Variants in NSMCE1 observed in about 807,000 individuals in gnomAD.
NSMCE1 encodes NSE1 component of SMC5/6 complex, also known as non-structural maintenance of chromosomes element 1 homolog.
NSMCE1 carries 18 observed loss-of-function variants against 29.6 expected under a neutral mutation model. The ratio of observed to expected loss-of-function variants is 0.61; its 90% CI spans 0.42 to 0.90. The LOEUF (loss-of-function observed/expected upper bound fraction) is 0.90. Among genes scored for constraint, NSMCE1 ranks in the 40% least tolerant of loss-of-function variants. The pLI is 0.00. For synonymous variants in NSMCE1, 124 were observed against 133.4 expected (o/e 0.93, Z 0.49); for missense variants, 314 against 343.6 (o/e 0.91, Z 0.68).
intron 2 of NSMCE1, among the ~76,000 whole-genome samples, chr16:27,250,997 G>A (rs1231599776): frequency 6.8e-5 from 10 of 147,206 alleles, no homozygotes; most frequent in Non-Finnish European, 1.1e-4. Flanking sequence ...ATGCACCACC[G>A]TGCCCAGCTA....
chr16:27,227,189 C>T lies in NSMCE1; in HGVS notation c.484-353G>A, dbSNP rs149526897. ...GAGGCCCACAAGGGGGTCAGTCTCC[C>T]CAGGGTGCAAACCCAAACACCCACT... On this transcript the variant is annotated intron_variant, in intron 5 of 7. Transcript: ENST00000361439. 7.7e-3 allele frequency among the ~76,000 whole-genome samples: 1,170 copies of T among 152,348 alleles called. 23 individuals are homozygous for T. The highest frequency in any genetic ancestry group is 0.027 in the African/African-American group (1,117 of 41,580).
chr16:27,242,714 A>G (rs1226695222), intron 2 of NSMCE1, among the ~76,000 whole-genome samples: 1 of 152,212 alleles, frequency 6.6e-6, no homozygotes, highest in African/African-American at 2.4e-5. Flanking sequence ...AAACTACTAT[A>G]TATTTTGCTA....
Position 27,232,950 on chromosome 16 carries a change from T to C in NSMCE1, c.483+51A>G. On this transcript the variant is annotated intron_variant, in intron 5 of 7. Transcript: ENST00000361439. This position sits in a 1 kb window ranked among gnomAD's most constrained non-coding sequence, Gnocchi z 4.5. ...ACAAGTACGATTTTGGAGAAAAAAC[T>C]GTTATTCACTTGAAAAAGTGAACCA... 6.3e-7 allele frequency: 1 copy of C among 1,593,036 alleles called. No individual in the cohort carries two copies. The highest frequency in any genetic ancestry group is 1.7e-4 in the Middle Eastern group (1 of 5,972).
chr16:27,236,609 C>A (rs2083828489), intron 2 of NSMCE1, among the ~76,000 whole-genome samples: 1 of 150,534 alleles, frequency 6.6e-6, no homozygotes, highest in Non-Finnish European at 1.5e-5. Flanking sequence ...TGCTGTGAAA[C>A]TTTTTAAAGC....
chr16:27,245,125 G>C (rs961246264), intron 2 of NSMCE1, among the ~76,000 whole-genome samples: 3 of 152,224 alleles, frequency 2.0e-5, no homozygotes, highest in Admixed American at 2.0e-4. Context: ...GTGAACGTGT[G>C]CCCACAAGCA....
At chr16:27,226,468 AAAAT>A (rs1270009333) in intron 6 of NSMCE1, 2 of 465,930 alleles carry the variant, frequency 4.3e-6, no homozygotes, top group Non-Finnish European at 7.7e-6. Flanking sequence ...CTTCCTGAGA[AAAAT>A]AAAGTAAGCG....
chr16:27,251,207 T>TATATAA (rs1555477430), intron 2 of NSMCE1, among the ~76,000 whole-genome samples: 764 of 70,488 alleles, frequency 0.011, 18 homozygotes, highest in South Asian at 0.017. Context: ...TATATATATA[T>TATATAA]AAAACTCTGT....
At chr16:27,237,015 C>T (rs1314587050) in intron 2 of NSMCE1, among the ~76,000 whole-genome samples, 1 of 151,720 alleles carries the variant, frequency 6.6e-6, no homozygotes, top group African/African-American at 2.4e-5. Context: ...GTGAAAGAGT[C>T]AAGGAAAACC....
intron 2 of NSMCE1, among the ~76,000 whole-genome samples, chr16:27,251,470 T>C (rs1567281492): frequency 6.6e-6 from 1 of 152,274 alleles, no homozygotes; most frequent in East Asian, 1.9e-4. Context: ...TAAACCCTAC[T>C]TGGTTATGTC....
Position 27,226,805 on chromosome 16 carries a change from G to T in NSMCE1, c.515C>A (p.Ala172Asp). The stretch of plus-strand genomic sequence containing the variant: ...GATGTATTGCTCCATCTCCAGGATG[G>T]CCCGGCCGTGCAGGGTGAACTCCCC... ...KEGEFTLHGR[A>D]ILEMEQYIRE... Residue 172 changes from alanine (A) to aspartate (D), a missense_variant, in exon 6 of 8, where the codon GCC becomes GAC. By Grantham distance (126) the Ala-to-Asp change is moderately radical. Transcript: ENST00000361439. 1.9e-6 allele frequency: 3 copies of T among 1,613,766 alleles called. No individual in the cohort carries two copies. Among genetic ancestry groups the T allele is most frequent in the Non-Finnish European group, 2.5e-6 (3 of 1,179,656 alleles).
intron 1 of NSMCE1, among the ~76,000 whole-genome samples, chr16:27,267,190 TAC>T (rs1306243689): frequency 1.3e-5 from 2 of 152,020 alleles, no homozygotes; most frequent in Non-Finnish European, 2.9e-5. Flanking sequence ...AATACATCTA[TAC>T]GTTTAAATTT....
At chr16:27,226,521 G>A (rs987566646) in intron 6 of NSMCE1, 199 bp downstream of exon 6, 14 of 537,114 alleles carry the variant, frequency 2.6e-5, no homozygotes, top group Non-Finnish European at 4.6e-5. Context: ...AGGGAGGAGG[G>A]CGGCAGTGCG....
At chr16:27,227,783 CTTTT>C (rs1239133211) in intron 5 of NSMCE1, among the ~76,000 whole-genome samples, 2 of 65,994 alleles carry the variant, frequency 3.0e-5, no homozygotes, top group East Asian at 7.6e-4. Context: ...CTTTTCTTTT[CTTTT>C]TTTTTTTTTT....
intron 5 of NSMCE1, among the ~76,000 whole-genome samples, chr16:27,231,574 T>G (rs567844943): frequency 7.9e-5 from 12 of 151,376 alleles, no homozygotes; most frequent in African/African-American, 1.5e-4. Flanking sequence ...GAGGTTGAGG[T>G]TGCGGTGAGC....
chr16:27,233,004 A>C lies in NSMCE1; in HGVS notation c.480T>G (p.Ile160Met), dbSNP rs2083778368. Residue 160 changes from isoleucine (I) to methionine (M), a missense_variant, in exon 5 of 8, where the codon ATT (isoleucine) becomes ATG (methionine). By Grantham distance (10) the Ile-to-Met change is conservative (BLOSUM62 1). Transcript: ENST00000361439. ...TGGAAAAACCATGAGACAGTACCTC[A>C]ATCAGCCACTTGTTTTGAACAAACT... ...LQKFVQNKWLIEKEGEFTLHG... is the reference protein window; with the variant it reads ...LQKFVQNKWLMEKEGEFTLHG... 1.2e-6 allele frequency: 2 copies of C among 1,613,786 alleles called. No individual in the cohort carries two copies. The highest frequency in any genetic ancestry group is 1.3e-5 in the African/African-American group (1 of 74,930).
At chr16:27,226,450 C>T (rs1267266095) in intron 6 of NSMCE1, 3 of 440,102 alleles carry the variant, frequency 6.8e-6, no homozygotes, top group African/African-American at 2.0e-5. Flanking sequence ...TTGCACAGAA[C>T]ACTCAGCCTT....
chr16:27,262,175 C>A (rs1276064360), intron 1 of NSMCE1, among the ~76,000 whole-genome samples: 1 of 147,978 alleles, frequency 6.8e-6, no homozygotes, highest in Non-Finnish European at 1.5e-5. Context: ...ACCTGGGAGG[C>A]GGGGGTTGCA....
At chr16:27,257,657 A>C (rs574030348) in intron 1 of NSMCE1, 76 bp from the exon 2 acceptor site, 12 of 1,186,320 alleles carry the variant, frequency 1.0e-5, no homozygotes, top group South Asian at 3.2e-5. Flanking sequence ...ACTAATTTAC[A>C]TTAACAAATA....
At chr16:27,230,112 C>T (rs578258349) in intron 5 of NSMCE1, among the ~76,000 whole-genome samples, 28 of 151,696 alleles carry the variant, frequency 1.8e-4, no homozygotes, top group East Asian at 9.7e-4. Flanking sequence ...GATCAGCAGA[C>T]GCCCAGCTCC....
Sources: gnomAD v4.1 joint callset for allele counts (sites outside exome capture counted in the v4.1 genomes callset) on GRCh38, gnomAD v4.1.1 for gene constraint, Gnocchi (gnomAD v3.1) non-coding constraint, MANE v1.5 for transcripts, NCBI Gene and HGNC (gene_info 2026-07-23, HGNC 2026-07-21) for gene names.